Variants in ZNF577 observed in about 807,000 individuals in gnomAD.
ZNF577 encodes the protein zinc finger protein 577.
ZNF577 carries 14 observed loss-of-function variants against 13.9 expected under a neutral mutation model. The ratio of observed to expected loss-of-function variants is 1.00; its 90% CI spans 0.66 to 1.57. The LOEUF (loss-of-function observed/expected upper bound fraction) is 1.57. Among genes scored for constraint, ZNF577 ranks in the 40% most tolerant of loss-of-function variants. The pLI, the probability that ZNF577 is intolerant of heterozygous loss-of-function variation, is 0.00. For missense variants in ZNF577, 555 were observed against 579.2 expected, an observed-to-expected ratio of 0.96 and a Z score of 0.43; for synonymous variants, 203 against 202.9, an observed-to-expected ratio of 1.00 and a Z score of 0.00.
chr19:51,879,196 G>A (rs528791269), intron 3 of ZNF577, among the ~76,000 whole-genome samples: 39 of 151,600 alleles, frequency 2.6e-4, no homozygotes, highest in Non-Finnish European at 5.0e-4. Flanking sequence ...GGCAGAGCTT[G>A]CAGGGAGCCA....
At chr19:51,829,064 A>G (rs543552346) in intron 9 of ZNF577, among the ~76,000 whole-genome samples, 39 of 152,150 alleles carry the variant, frequency 2.6e-4, no homozygotes, top group Non-Finnish European at 3.5e-4. Context: ...TGTACTGGGT[A>G]TAAGTTGCAA....
At chr19:51,861,109 CTCTCTTT>C in intron 5 of ZNF577, 1 of 261,624 alleles carries the variant, frequency 3.8e-6, no homozygotes, top group Non-Finnish European at 6.7e-6. Context: ...ATAATTGACT[CTCTCTTT>C]TTTTTTTTTT....
At position 51,824,399 on chromosome 19, in the gene ZNF577, C is replaced by G; in HGVS notation, c.*600-12725G>C. ...GCTTCAGCGTGCCTATGTCCATCAT[C>G]ACAGTCTGCTATGGGATCATCGCTG... On this transcript the variant is annotated intron_variant and NMD_transcript_variant, in intron 9 of 10. Coordinates refer to the ZNF577 transcript ENST00000638827. The surrounding 1 kb of genome is among the most constrained non-coding windows in gnomAD (Gnocchi z 4.7). The G allele has an allele frequency of 6.2e-7, 1 of 1,614,148 alleles. No individual in the cohort carries two copies.
intron 9 of ZNF577, among the ~76,000 whole-genome samples, chr19:51,832,480 C>T (rs910900449): frequency 6.6e-6 from 1 of 152,056 alleles, no homozygotes; most frequent in African/African-American, 2.4e-5. Context: ...CTCAGCCTCC[C>T]AAGTAGCTGG....
chr19:51,825,923 C>A (rs929669795), intron 9 of ZNF577: 1 of 167,008 alleles, frequency 6.0e-6, no homozygotes, highest in Non-Finnish European at 1.5e-5. Flanking sequence ...CTTTATCTTA[C>A]CATTAAGTAA....
chr19:51,877,278 T>C lies in ZNF577; in HGVS notation c.283+4A>G. The C allele has an allele frequency of 6.2e-7, 1 of 1,613,378 alleles. No individual in the cohort carries two copies. On this transcript the variant is annotated splice_donor_region_variant and intron_variant, in intron 5 of 5. Transcript: ENST00000638348. ...CCCCATTTTCTTAGTTTTCACTCAC[T>C]TACCTGGACAGATTTGACTGTGGGC...
chr19:51,823,796 C>T lies in ZNF577; in HGVS notation c.*600-12122G>A, dbSNP rs763361125. The T allele has an allele frequency of 5.6e-6, 9 of 1,612,374 alleles. No individual in the cohort carries two copies. In the East Asian group the frequency reaches 6.7e-5, roughly 12 times the overall value. Reference sequence around the variant, plus strand: ...CTCTGAATGAAACTGAGGAGGTGCTCCCTGAGCCTGCTGGCCACACCGTTC... The same window carrying T: ...CTCTGAATGAAACTGAGGAGGTGCTTCCTGAGCCTGCTGGCCACACCGTTC... On this transcript the variant is annotated intron_variant and NMD_transcript_variant, in intron 9 of 10. Transcript: ENST00000638827.
exon 10 of ZNF577, chr19:51,811,606 A>G (rs962805911): frequency 2.0e-5 from 3 of 152,042 alleles, no homozygotes; most frequent in African/African-American, 7.3e-5. Flanking sequence ...TTTGAGTGCC[A>G]CTTGTAGAGC....
At chr19:51,830,102 A>G (rs183475625) in intron 9 of ZNF577, among the ~76,000 whole-genome samples, 5 of 150,846 alleles carry the variant, frequency 3.3e-5, no homozygotes, top group Middle Eastern at 3.4e-3. Flanking sequence ...ATCTGGTGGA[A>G]ACCTGACTGA....
At chr19:51,864,791 C>A (rs1467824041), downstream of ZNF577, among the ~76,000 whole-genome samples, 2 of 152,088 alleles carry the variant, frequency 1.3e-5, no homozygotes. Flanking sequence ...ATTGTTAAGT[C>A]CATGAAATCG....
chr19:51,874,686 T>C (rs947130557), intron 5 of ZNF577, among the ~76,000 whole-genome samples: 7 of 152,198 alleles, frequency 4.6e-5, no homozygotes, highest in Non-Finnish European at 8.8e-5. Context: ...AAACATGTTC[T>C]GAATTGACAG....
rs546107441 is a variant in ZNF577, at chr19:51,869,494, G to T, written c.*3038C>A. Among the ~76,000 whole-genome samples the T allele has an allele frequency of 6.6e-6, 1 of 152,026 alleles. No homozygotes were observed. Among genetic ancestry groups the T allele is most frequent in the Admixed American group, 6.6e-5 (1 of 15,264 alleles). On this transcript the variant is annotated 3_prime_UTR_variant, in exon 6 of 6. Transcript: ENST00000638348. ...ATAGTCCTGCCACATCCCCCTCTCC[G>T]AGATGGTAGAGATAGTGATCAACAA...
intron 2 of ZNF577, 103 bp downstream of exon 2, chr19:51,880,576 G>C (rs891885561): frequency 3.2e-6 from 2 of 623,340 alleles, no homozygotes; most frequent in East Asian, 2.8e-5. Flanking sequence ...CACAGATCCT[G>C]ATTTTTATCA....
At chr19:51,875,316 T>C (rs2084740128) in intron 5 of ZNF577, among the ~76,000 whole-genome samples, 2 of 144,016 alleles carry the variant, frequency 1.4e-5, no homozygotes, top group South Asian at 2.2e-4. Context: ...TGAGCCAAGA[T>C]TGGGCCACTG....
intron 9 of ZNF577, among the ~76,000 whole-genome samples, chr19:51,832,985 AT>A (rs1228268482): frequency 1.3e-5 from 2 of 152,142 alleles, no homozygotes; most frequent in African/African-American, 4.8e-5. Context: ...TAATTTGGCT[AT>A]TTTAGTTCCT....
At chr19:51,877,510 C>T (rs1302172558) in intron 4 of ZNF577, 133 bp from the exon 5 acceptor site, 11 of 686,608 alleles carry the variant, frequency 1.6e-5, no homozygotes, top group African/African-American at 3.6e-5. Context: ...GAAAAGAGCA[C>T]AACCACTTCG....
At chr19:51,813,470 T>C (rs1051406737) in intron 9 of ZNF577, among the ~76,000 whole-genome samples, 2 of 152,076 alleles carry the variant, frequency 1.3e-5, no homozygotes, top group African/African-American at 4.8e-5. Context: ...CATGTTTCAG[T>C]GGTGAAAGAT....
chr19:51,847,608 G>C lies in ZNF577; in HGVS notation c.284-2677C>G, dbSNP rs140090130. Among the ~76,000 whole-genome samples, 346 of 152,170 alleles carry C rather than the reference G, an allele frequency of 2.3e-3. 1 individual carries two copies. Among genetic ancestry groups the C allele is most frequent in the African/African-American group, 8.1e-3 (336 of 41,510 alleles). ...GAGGAGAGGATATTTCACGAGAAAC[G>C]AGAGAATGGTCTCTAGTTTCTTCCT... On this transcript the variant is annotated intron_variant and NMD_transcript_variant, in intron 5 of 10. Transcript: ENST00000638827.
chr19:51,864,132 T>C (rs1210516955), downstream of ZNF577, among the ~76,000 whole-genome samples: 8 of 152,190 alleles, frequency 5.3e-5, no homozygotes, highest in African/African-American at 1.9e-4. Flanking sequence ...TCTTAAATAT[T>C]ATGGCATGAA....
Sources: allele counts gnomAD v4.1 joint callset (sites outside exome capture counted in the v4.1 genomes callset), GRCh38; gene constraint gnomAD v4.1.1; non-coding constraint Gnocchi (gnomAD v3.1); transcripts MANE v1.5; gene names NCBI Gene and HGNC (gene_info 2026-07-23, HGNC 2026-07-21).